The following RALGAPB variants were observed in gnomAD, a reference collection of about 807,000 sequenced individuals.
RALGAPB encodes the protein Ral GTPase activating protein non-catalytic subunit beta, also known as ral GTPase-activating protein subunit beta.
In RALGAPB, 25 loss-of-function variants were observed where a neutral mutation model predicts 161.1. The ratio of observed to expected loss-of-function variants is 0.16; its 90% confidence interval spans 0.11 to 0.22. RALGAPB has a LOEUF of 0.22. Among genes scored for constraint, RALGAPB ranks in the 10% least tolerant of loss-of-function variants. The pLI is 1.00. For synonymous variants in RALGAPB, 629 were observed against 626.1 expected (o/e 1.00, Z -0.07); for missense variants, 1,391 against 1,815.2 (o/e 0.77, Z 4.25).
chr20:38,503,945 A>G (rs542090152), intron 5 of RALGAPB, among the ~76,000 whole-genome samples: 4 of 152,362 alleles, frequency 2.6e-5, no homozygotes, highest in Admixed American at 1.3e-4. Context: ...AACAAATGGA[A>G]AAACATTCCA....
At chr20:38,555,142 T>TA (rs1667875333) in intron 22 of RALGAPB, among the ~76,000 whole-genome samples, 1 of 152,174 alleles carries the variant, frequency 6.6e-6, no homozygotes, top group Non-Finnish European at 1.5e-5. Flanking sequence ...GATGTGGACA[T>TA]AGAGGCTTAA....
intron 5 of RALGAPB, among the ~76,000 whole-genome samples, chr20:38,500,848 TAGATAGG>T (rs1208415365): frequency 3.9e-5 from 6 of 152,190 alleles, no homozygotes; most frequent in Non-Finnish European, 8.8e-5. Context: ...TTGAGTGGGC[TAGATAGG>T]AGATCAAACC....
chr20:38,562,024 C>T (rs2087802502), intron 23 of RALGAPB, among the ~76,000 whole-genome samples: 1 of 152,192 alleles, frequency 6.6e-6, no homozygotes, highest in African/African-American at 2.4e-5. Context: ...CTGGAATTCT[C>T]TTCTTTGGCC....
In RALGAPB at chr20:38,525,656, A is replaced by C. The variant is rs574862751; in HGVS notation, c.1902+138A>C. The C allele has an allele frequency of 1.1e-4, 90 of 856,032 alleles. 2 individuals carry two copies. The South Asian group carries it at 1.5e-3, about 14-fold the overall frequency. 53.0% of individuals were successfully genotyped at this position (856,032 alleles called of 1,614,324 possible). On this transcript the variant is annotated intron_variant, in intron 12 of 29. Transcript: ENST00000262879. ...TATTTCATCAAGTTATTTCAAGTGA[A>C]TTAACAAAGTTGACTTGTGATTTTT...
intron 18 of RALGAPB, among the ~76,000 whole-genome samples, chr20:38,541,711 A>G (rs1276427606): frequency 6.6e-6 from 1 of 152,232 alleles, no homozygotes; most frequent in Non-Finnish European, 1.5e-5. Flanking sequence ...AAGATAAAAT[A>G]TGAACACAAA....
chr20:38,482,658 A>C (rs1033365417), intron 1 of RALGAPB, among the ~76,000 whole-genome samples: 2 of 151,798 alleles, frequency 1.3e-5, no homozygotes, highest in Non-Finnish European at 2.9e-5. Context: ...CGAACTCCTG[A>C]CCTCAGGTGA....
chr20:38,499,691 G>A, intron 5 of RALGAPB, 58 bp downstream of exon 5: 10 of 1,482,762 alleles, frequency 6.7e-6, no homozygotes, highest in Non-Finnish European at 9.1e-6. Context: ...GCAGCTTTCT[G>A]GCATTCATGG....
chr20:38,535,781 C>T (rs1243436869), intron 16 of RALGAPB, among the ~76,000 whole-genome samples: 1 of 152,164 alleles, frequency 6.6e-6, no homozygotes, highest in Admixed American at 6.5e-5. Context: ...GATGGGGTTT[C>T]ACCATGTTGG....
intron 22 of RALGAPB, among the ~76,000 whole-genome samples, chr20:38,555,940 T>C (rs1181405326): frequency 6.6e-6 from 1 of 152,144 alleles, no homozygotes; most frequent in African/African-American, 2.4e-5. Context: ...TTTTCCATGA[T>C]CAAATAAGGT....
At chr20:38,511,346 GTATT>G (rs1315780188) in intron 6 of RALGAPB, among the ~76,000 whole-genome samples, 1 of 147,220 alleles carries the variant, frequency 6.8e-6, no homozygotes, top group Non-Finnish European at 1.5e-5. Context: ...AATTTTTTTA[GTATT>G]TATTGATCAT....
At chr20:38,529,467 A>G (rs909017169) in intron 13 of RALGAPB, among the ~76,000 whole-genome samples, 7 of 151,928 alleles carry the variant, frequency 4.6e-5, no homozygotes, top group African/African-American at 7.3e-5. Context: ...CAGTGAGCCA[A>G]GATCATGCCA....
intron 24 of RALGAPB, among the ~76,000 whole-genome samples, chr20:38,563,381 G>A (rs1409479969): frequency 6.6e-6 from 1 of 152,166 alleles, no homozygotes; most frequent in Non-Finnish European, 1.5e-5. Context: ...TTTACCAACT[G>A]TGGCTATCAA....
chr20:38,539,699 G>A (rs1475427715), intron 16 of RALGAPB, 77 bp from the exon 17 acceptor site: 1 of 1,406,538 alleles, frequency 7.1e-7, no homozygotes, highest in Admixed American at 1.9e-5. Flanking sequence ...AATAGGTCAA[G>A]CTTCAGTGCA....
In RALGAPB at chr20:38,551,120, A is replaced by C; in HGVS notation, c.3059A>C (p.Lys1020Thr). ...RPVPKNDVGFKYSVKHRPFPE... is the reference protein window; with the variant it reads ...RPVPKNDVGFTYSVKHRPFPE... The stretch of plus-strand genomic sequence containing the variant: ...GTTCCTAAAAATGACGTTGGATTTA[A>C]ATATTCTGTGAAACATCGGCCATTT... The change falls in exon 21 of 30, where the codon AAA becomes ACA. Residue 1020 changes from lysine to threonine, a missense_variant. By Grantham distance (78) the Lys-to-Thr change is moderately conservative. Coordinates refer to ENST00000262879, the MANE Select transcript of RALGAPB (RefSeq NM_020336.4). 6.2e-7 allele frequency: 1 copy of C among 1,613,948 alleles called. No homozygotes were observed. The highest frequency in any genetic ancestry group is 8.5e-7 in the Non-Finnish European group (1 of 1,179,844).
Position 38,577,541 on chromosome 20 carries a change from G to C in RALGAPB, c.*2574G>C, listed in dbSNP as rs1430686400. On this transcript the variant is annotated 3_prime_UTR_variant, in exon 30 of 30. Transcript: ENST00000262879. The stretch of plus-strand genomic sequence containing the variant: ...TCTACTGCCTTCTTAAGTTGCAGGA[G>C]GGAGCTTTTCTCCTCCCCTCTGGTT... The C allele has an allele frequency of 1.3e-5, 2 of 152,160 alleles. No homozygotes were observed. The highest frequency in any genetic ancestry group is 2.9e-5 in the Non-Finnish European group (2 of 68,050). 9.4% of individuals were successfully genotyped at this position (152,160 alleles called of 1,614,324 possible). A position where few individuals can be genotyped will look rare whatever the true frequency, so the allele number is the denominator to read the frequency against.
chr20:38,529,516 T>C (rs966135602), intron 13 of RALGAPB, among the ~76,000 whole-genome samples: 1 of 140,122 alleles, frequency 7.1e-6, no homozygotes, highest in African/African-American at 2.7e-5. Context: ...AAACTCCGTC[T>C]CAAAAAAAAA....
chr20:38,479,086 G>T (rs576944289), intron 1 of RALGAPB, among the ~76,000 whole-genome samples: 1 of 152,118 alleles, frequency 6.6e-6, no homozygotes, highest in Non-Finnish European at 1.5e-5. Context: ...TGCTGCTGTC[G>T]TAACTCATCA....
At chr20:38,479,369 G>A (rs2084897948) in intron 1 of RALGAPB, among the ~76,000 whole-genome samples, 1 of 152,324 alleles carries the variant, frequency 6.6e-6, no homozygotes, top group Admixed American at 6.5e-5. Context: ...TTCTGTGCTT[G>A]TTGCATAGAA....
At position 38,511,321 on chromosome 20, in the gene RALGAPB, C is replaced by CT. The variant is rs796611204; in HGVS notation, c.872+2127dup. Among the ~76,000 whole-genome samples, 1,281 of 135,608 alleles carry CT rather than the reference C, an allele frequency of 9.4e-3. 16 individuals carry two copies. Among genetic ancestry groups the CT allele is most frequent in the African/African-American group, 0.028 (1,034 of 36,844 alleles). 89.0% of individuals were successfully genotyped at this position (135,608 alleles called of 152,430 possible). A position where few individuals can be genotyped will look rare whatever the true frequency, so the allele number is the denominator to read the frequency against. Reference sequence around the variant, plus strand: ...GATATCTGATATTGAGTCTGCCTTTCTTTTTTTTTTTTTTAATTTTTTTAG... The same window carrying CT: ...GATATCTGATATTGAGTCTGCCTTTCTTTTTTTTTTTTTTTAATTTTTTTAG... On this transcript the variant is annotated intron_variant, in intron 6 of 29. Transcript: ENST00000262879.
Sources: allele counts gnomAD v4.1 joint callset (sites outside exome capture counted in the v4.1 genomes callset), GRCh38; gene constraint gnomAD v4.1.1; transcripts MANE v1.5; gene names NCBI Gene and HGNC (gene_info 2026-07-23, HGNC 2026-07-21).